Variants in PRKN observed in about 807,000 individuals in gnomAD.
PRKN encodes the protein E3 ubiquitin-protein ligase parkin.
PRKN carries 56 observed loss-of-function variants against 59.5 expected under a neutral mutation model. That is an observed-to-expected ratio of 0.94 (90% confidence interval 0.76 to 1.18). The LOEUF (loss-of-function observed/expected upper bound fraction) is 1.18, where lower values mean the gene tolerates loss of function less well. Ranked by LOEUF, PRKN falls within the 50% of genes most tolerant of loss-of-function variation. The pLI, the probability that PRKN is intolerant of heterozygous loss-of-function variation, is 0.00. For missense variants in PRKN, 657 were observed against 596.4 expected, an observed-to-expected ratio of 1.10 and a Z score of -1.06; for synonymous variants, 250 against 222.1, an observed-to-expected ratio of 1.13 and a Z score of -1.12.
intron 1 of PRKN, among the ~76,000 whole-genome samples, chr6:162,560,894 C>T (rs1212094275): frequency 1.3e-5 from 1 of 79,742 alleles, no homozygotes; most frequent in African/African-American, 5.1e-5. Flanking sequence ...ACATGAAAAT[C>T]TGTGAAGTTA....
At chr6:161,571,305 A>G (rs1780879696) in intron 7 of PRKN, among the ~76,000 whole-genome samples, 1 of 152,198 alleles carries the variant, frequency 6.6e-6, no homozygotes, top group South Asian at 2.1e-4. Context: ...TTGAGATAAG[A>G]CCTATGGATT....
chr6:162,083,340 G>A (rs1779133136), intron 4 of PRKN, among the ~76,000 whole-genome samples: 1 of 152,052 alleles, frequency 6.6e-6, no homozygotes, highest in African/African-American at 2.4e-5. Flanking sequence ...CATGAAGTGG[G>A]CACATACTGT....
At position 162,632,225 on chromosome 6, in the gene PRKN, T is replaced by C. The variant is rs546902953; in HGVS notation, c.7+95437A>G. ...TGCACTCACCTGTTCATCGCTACAC[T>C]ATTCACAATAGCAAAGACATGGAAT... is the stretch of plus-strand genomic sequence containing the variant. On this transcript the variant is annotated intron_variant, in intron 1 of 11. Transcript: ENST00000366898. Among the ~76,000 whole-genome samples, 27 of 152,284 alleles carry C rather than the reference T, an allele frequency of 1.8e-4. No individual in the cohort carries two copies. In the South Asian group the frequency reaches 3.9e-3, roughly 22 times the overall value.
At chr6:162,097,343 C>A (rs1472406937) in intron 4 of PRKN, among the ~76,000 whole-genome samples, 1 of 152,152 alleles carries the variant, frequency 6.6e-6, no homozygotes, top group Non-Finnish European at 1.5e-5. Context: ...AAGCACATCA[C>A]ATACATCATC....
intron 1 of PRKN, among the ~76,000 whole-genome samples, chr6:162,461,499 C>CAAAAAAAAAAAAAAAAAAAAAAAAAAA (rs780424226): frequency 8.2e-5 from 3 of 36,516 alleles, no homozygotes; most frequent in African/African-American, 1.0e-4. Context: ...TAAAGTGTCT[C>CAAAAAAAAAAAAAAAAAAAAAAAAAAA]AAAAAAAAAA....
At chr6:161,873,891 T>TATATAAAA (rs1794450297) in intron 6 of PRKN, among the ~76,000 whole-genome samples, 3 of 127,820 alleles carry the variant, frequency 2.3e-5, no homozygotes, top group African/African-American at 9.2e-5. Flanking sequence ...TAAATAAAAA[T>TATATAAAA]TATATACTAT....
chr6:161,958,527 C>T (rs1780266373), intron 6 of PRKN, among the ~76,000 whole-genome samples: 1 of 151,916 alleles, frequency 6.6e-6, no homozygotes, highest in Non-Finnish European at 1.5e-5. Flanking sequence ...ATAATTAAAA[C>T]TCTGTTTTTT....
chr6:161,412,776 C>A (rs1160401437), intron 9 of PRKN, among the ~76,000 whole-genome samples: 2 of 151,642 alleles, frequency 1.3e-5, no homozygotes, highest in African/African-American at 4.9e-5. Flanking sequence ...TTCCTTCACT[C>A]ACTCATTCCT....
At chr6:162,635,546 T>C (rs1156428259) in intron 1 of PRKN, among the ~76,000 whole-genome samples, 1 of 152,162 alleles carries the variant, frequency 6.6e-6, no homozygotes, top group African/African-American at 2.4e-5. Context: ...CCTTATGTCG[T>C]AGCTTTGTTA....
At chr6:161,893,003 C>T (rs1027643555) in intron 6 of PRKN, among the ~76,000 whole-genome samples, 6 of 152,086 alleles carry the variant, frequency 3.9e-5, no homozygotes, top group African/African-American at 1.2e-4. Context: ...CCACCACGCC[C>T]GGCTAATTTT....
At chr6:161,600,197 T>C (rs1782058013) in intron 7 of PRKN, among the ~76,000 whole-genome samples, 1 of 152,202 alleles carries the variant, frequency 6.6e-6, no homozygotes, top group South Asian at 2.1e-4. Flanking sequence ...CTCTCATCCT[T>C]TTCTGTTATT....
chr6:161,513,300 G>T (rs1778462496), intron 9 of PRKN, among the ~76,000 whole-genome samples: 1 of 152,142 alleles, frequency 6.6e-6, no homozygotes, highest in African/African-American at 2.4e-5. Flanking sequence ...GAGTGCAGTG[G>T]TGCGATCTCA....
intron 6 of PRKN, among the ~76,000 whole-genome samples, chr6:161,854,615 T>C (rs1479586997): frequency 6.6e-6 from 1 of 152,064 alleles, no homozygotes; most frequent in Admixed American, 6.5e-5. Flanking sequence ...ACATCTAATG[T>C]AGTTATGGTT....
At chr6:162,197,436 T>C (rs1784540070) in intron 4 of PRKN, among the ~76,000 whole-genome samples, 2 of 152,238 alleles carry the variant, frequency 1.3e-5, no homozygotes, top group South Asian at 2.1e-4. Flanking sequence ...TTTGATTTAA[T>C]TGTCCCTAAA....
intron 1 of PRKN, among the ~76,000 whole-genome samples, chr6:162,536,415 G>C (rs1778721979): frequency 6.6e-6 from 1 of 152,002 alleles, no homozygotes; most frequent in Admixed American, 6.6e-5. Flanking sequence ...CAGTTCCTTT[G>C]GGTACCTGGT....
rs184914417 is a variant in PRKN, at chr6:162,373,726, T to A, written c.171+69584A>T. On this transcript the variant is annotated intron_variant, in intron 2 of 11. Coordinates refer to ENST00000366898, the MANE Select transcript of PRKN (RefSeq NM_004562.3). ...ACATAGAAGAACAAGTTTAACAACA[T>A]CTTAAGAAAGAAAATTATTAAATAT... Among the ~76,000 whole-genome samples the A allele has an allele frequency of 2.0e-5, 3 of 152,280 alleles. No homozygotes were observed. In the East Asian group the frequency reaches 5.8e-4, roughly 29 times the overall value.
chr6:161,897,466 C>T (rs939536434), intron 6 of PRKN, among the ~76,000 whole-genome samples: 5 of 152,154 alleles, frequency 3.3e-5, no homozygotes, highest in African/African-American at 1.2e-4. Context: ...GGCCCATTTT[C>T]CTTCTGTAAG....
At chr6:161,795,430 C>T (rs1218071111) in intron 6 of PRKN, among the ~76,000 whole-genome samples, 4 of 151,666 alleles carry the variant, frequency 2.6e-5, no homozygotes, top group African/African-American at 4.8e-5. Flanking sequence ...GATGGGGTCT[C>T]GCCATGTTGG....
intron 1 of PRKN, among the ~76,000 whole-genome samples, chr6:162,550,818 G>A (rs1779305357): frequency 6.6e-6 from 1 of 152,172 alleles, no homozygotes; most frequent in African/African-American, 2.4e-5. Context: ...TTCCCTGTGT[G>A]TCATGCTGCG....
Sources: allele counts gnomAD v4.1 joint callset (sites outside exome capture counted in the v4.1 genomes callset), GRCh38; gene constraint gnomAD v4.1.1; transcripts MANE v1.5; gene names NCBI Gene and HGNC (gene_info 2026-07-23, HGNC 2026-07-21).